Variants in ADAMTS13 observed in about 807,000 individuals in gnomAD.
ADAMTS13 encodes the protein ADAM metallopeptidase with thrombospondin type 1 motif 13, also known as A disintegrin and metalloproteinase with thrombospondin motifs 13.
Under a neutral mutation model 155.1 loss-of-function variants are expected in ADAMTS13, and 110 were observed. The observed-to-expected ratio is 0.71, with a 90% CI of 0.61 to 0.83. The LOEUF is 0.83. Ranked by LOEUF, ADAMTS13 falls within the 40% of genes least tolerant of loss-of-function variation. The probability of loss-of-function intolerance (pLI) is 0.00; values close to 1 mark genes in which losing one functional copy is unlikely to be tolerated. For synonymous variants in ADAMTS13, 758 were observed against 756.4 expected (o/e 1.00, Z -0.03); for missense variants, 1,707 against 1,891.7 (o/e 0.90, Z 1.81).
chr9:133,414,667 G>T, intron 1 of ADAMTS13: 1 of 1,613,668 alleles, frequency 6.2e-7, no homozygotes, highest in Non-Finnish European at 8.5e-7. Flanking sequence ...ATACTTACTC[G>T]GTGGGTGGGG....
Position 133,428,713 on chromosome 9 carries a change from C to G in ADAMTS13, c.766C>G (p.Pro256Ala). 1 of 1,354,106 alleles carries G rather than the reference C, an allele frequency of 7.4e-7. No individual in the cohort carries two copies. The highest frequency in any genetic ancestry group is 9.5e-7 in the Non-Finnish European group (1 of 1,051,460). 83.9% of individuals were successfully genotyped at this position (1,354,106 alleles called of 1,614,324 possible). The change falls in exon 7 of 29, where the codon CCC (proline) becomes GCC (alanine). Residue 256 changes from proline to alanine, a missense_variant. Transcript: ENST00000355699. ...GHVMASDGAA[P>A]RAGLAWSPCS... ...CGTGATGGCTTCGGACGGCGCCGCG[C>G]CCCGCGCCGGCCTCGCCTGGTCCCC... is the stretch of plus-strand genomic sequence containing the variant.
chr9:133,416,491 G>A (rs1232195311), intron 1 of ADAMTS13, among the ~76,000 whole-genome samples: 5 of 152,160 alleles, frequency 3.3e-5, no homozygotes, highest in African/African-American at 2.4e-5. Flanking sequence ...GGGATTACAC[G>A]TGTGGGCTAC....
intron 11 of ADAMTS13, 47 bp from the exon 12 acceptor site, chr9:133,436,782 G>GCCCCCCCCCCCCC: frequency 4.6e-6 from 3 of 653,248 alleles, no homozygotes; most frequent in South Asian, 2.3e-5. Flanking sequence ...GACAACACCC[G>GCCCCCCCCCCCCC]CCCCCCGCCC....
At chr9:133,452,273 C>G (rs921667654) in intron 23 of ADAMTS13, among the ~76,000 whole-genome samples, 4 of 152,036 alleles carry the variant, frequency 2.6e-5, no homozygotes, top group African/African-American at 9.7e-5. Flanking sequence ...CCACCACCCC[C>G]AACTGATTTT....
At chr9:133,428,067 G>A (rs963033935) in intron 6 of ADAMTS13, among the ~76,000 whole-genome samples, 1 of 152,172 alleles carries the variant, frequency 6.6e-6, no homozygotes, top group South Asian at 2.1e-4. Flanking sequence ...CTACCTCACC[G>A]GTGCCTGGCC....
Position 133,459,301 on chromosome 9 carries a change from C to A in ADAMTS13, c.*121C>A. On this transcript the variant is annotated 3_prime_UTR_variant, in exon 29 of 29. Coordinates refer to ENST00000355699, the MANE Select transcript of ADAMTS13 (RefSeq NM_139027.6). ...TCTACTTTAGAGTCTTCTCCAATGT[C>A]CAAAAGGCTAGGGGGTTGGAGGTGG... The A allele has an allele frequency of 9.6e-7, 1 of 1,046,128 alleles. No homozygotes were observed. Among genetic ancestry groups the A allele is most frequent in the Non-Finnish European group, 1.4e-6 (1 of 695,808 alleles). The allele number at this position is 1,046,128 out of a possible 1,614,324, so 64.8% of individuals were successfully genotyped here. A position where few individuals can be genotyped will look rare whatever the true frequency, so the allele number is the denominator to read the frequency against.
intron 6 of ADAMTS13, among the ~76,000 whole-genome samples, chr9:133,427,435 C>T (rs1420728660): frequency 1.3e-5 from 2 of 152,204 alleles, no homozygotes; most frequent in African/African-American, 4.8e-5. Context: ...TTTCCACATT[C>T]CTTGCCCACC....
Position 133,440,392 on chromosome 9 carries a change from C to G in ADAMTS13, c.1835C>G (p.Ser612Cys). The G allele has an allele frequency of 1.2e-6, 2 of 1,613,932 alleles. No individual in the cohort carries two copies. The highest frequency in any genetic ancestry group is 1.7e-6 in the Non-Finnish European group (2 of 1,180,012). Residue 612 changes from serine (S) to cysteine (C), a missense_variant, in exon 16 of 29, where the codon TCC (serine) becomes TGC (cysteine). Transcript: ENST00000355699. The surrounding 1 kb of genome is among the most constrained non-coding windows in gnomAD (Gnocchi z 4.3). Reference sequence around the variant, plus strand: ...GTCGTGGCTGGGAAGATGAGCATCTCCCCTAACACCACCTACCCCTCCCTC... The same window carrying G: ...GTCGTGGCTGGGAAGATGAGCATCTGCCCTAACACCACCTACCCCTCCCTC... ...RYVVAGKMSI[S>C]PNTTYPSLLE... is the part of the protein sequence containing the mutation.
Position 133,456,217 on chromosome 9 carries a change from T to C in ADAMTS13, c.3547+2T>C, listed in dbSNP as rs1481842597. ...AGAGTTCTCTCAACTGCAGTGCGGGTATGTCTAGGGCCATGCAAGCGATGC... is the reference window on the plus strand; with the variant it reads ...AGAGTTCTCTCAACTGCAGTGCGGGCATGTCTAGGGCCATGCAAGCGATGC... On this transcript the variant is annotated splice_donor_variant, in intron 26 of 28. Transcript: ENST00000355699. LOFTEE classifies it high-confidence loss of function. This position sits in a 1 kb window ranked among gnomAD's most constrained non-coding sequence, Gnocchi z 4.4. 1 of 1,613,448 alleles carries C rather than the reference T, an allele frequency of 6.2e-7. No individual in the cohort carries two copies. The highest frequency in any genetic ancestry group is 8.5e-7 in the Non-Finnish European group (1 of 1,180,028).
At chr9:133,449,123 A>G (rs971605277) in intron 22 of ADAMTS13, among the ~76,000 whole-genome samples, 3 of 152,196 alleles carry the variant, frequency 2.0e-5, no homozygotes, top group African/African-American at 7.2e-5. Context: ...TGTAAAGTAC[A>G]TGCTAAATGC....
intron 19 of ADAMTS13, among the ~76,000 whole-genome samples, chr9:133,443,851 TG>T (rs1280527862): frequency 5.3e-5 from 8 of 152,106 alleles, no homozygotes; most frequent in Non-Finnish European, 1.0e-4. Context: ...GAGGTCAAAC[TG>T]AACGGAGTGG....
chr9:133,439,544 CA>C, intron 15 of ADAMTS13, 98 bp downstream of exon 15: 1 of 1,137,424 alleles, frequency 8.8e-7, no homozygotes, highest in Non-Finnish European at 1.3e-6. Context: ...CCCGCAAGTT[CA>C]GGGGGTTCCC....
Position 133,425,153 on chromosome 9 carries a change from C to T in ADAMTS13, c.331-376C>T, listed in dbSNP as rs1242898090. On this transcript the variant is annotated intron_variant, in intron 3 of 28. Coordinates refer to ENST00000355699, the MANE Select transcript of ADAMTS13 (RefSeq NM_139027.6). The surrounding 1 kb of genome is among the most constrained non-coding windows in gnomAD (Gnocchi z 4.6). ...CAGCCTGGCCAACATGGTGAAACCC[C>T]GTAGCTACTAAAAATACAAAACTTA... Among the ~76,000 whole-genome samples the T allele has an allele frequency of 3.3e-5, 5 of 152,150 alleles. No homozygotes were observed. The highest frequency in any genetic ancestry group is 7.2e-5 in the African/African-American group (3 of 41,424).
Position 133,414,986 on chromosome 9 carries a change from G to A in ADAMTS13, n.287+342G>A, listed in dbSNP as rs1462506368. 1.3e-5 allele frequency: 20 copies of A among 1,583,672 alleles called. No individual in the cohort carries two copies. Among genetic ancestry groups the A allele is most frequent in the Non-Finnish European group, 1.7e-5 (20 of 1,170,986 alleles). ...AGAGATGACAAGAGGCTTTTCTGGG[G>A]CCTGAGATTTTTGTTTCAGCAGCCA... On this transcript the variant is annotated intron_variant and non_coding_transcript_variant, in intron 1 of 17. Coordinates refer to the ADAMTS13 transcript ENST00000485925.
intron 18 of ADAMTS13, 122 bp downstream of exon 18, chr9:133,442,865 GCT>G: frequency 7.0e-7 from 1 of 1,422,940 alleles, no homozygotes; most frequent in South Asian, 1.4e-5. Flanking sequence ...TCCTGTGCAG[GCT>G]CTCATTACCC....
intron 1 of ADAMTS13, chr9:133,415,584 C>T (rs1225144573): frequency 6.5e-6 from 1 of 152,820 alleles, no homozygotes. Context: ...GTCTTAGAGC[C>T]CAGCTTCCTC....
In ADAMTS13 at chr9:133,440,487, C is replaced by T. The variant is rs782659882; in HGVS notation, c.1930C>T (p.Arg644Cys). The T allele has an allele frequency of 2.5e-5, 41 of 1,612,184 alleles. No homozygotes were observed. Among genetic ancestry groups the T allele is most frequent in the East Asian group, 6.7e-5 (3 of 44,828 alleles). The change falls in exon 16 of 29, where the codon CGC (arginine) becomes TGC (cysteine). Residue 644 changes from arginine to cysteine, a missense_variant. Physicochemically the swap from Arg to Cys is radical, Grantham distance 180. This residue lies in a region of ADAMTS13 where 961 missense variants were observed against 1,107.9 expected (regional missense o/e 0.87). Coordinates refer to ENST00000355699, the MANE Select transcript of ADAMTS13 (RefSeq NM_139027.6). This position sits in a 1 kb window ranked among gnomAD's most constrained non-coding sequence, Gnocchi z 4.3. ...EDRLPRLEEI[R>C]IWGPLQEDAD... Reference sequence around the variant, plus strand: ...CCGGCTGCCCCGCCTGGAGGAGATCCGCATCTGGGGACCCCTCCAGGAAGA... The same window carrying T: ...CCGGCTGCCCCGCCTGGAGGAGATCTGCATCTGGGGACCCCTCCAGGAAGA...
At position 133,442,498 on chromosome 9, in the gene ADAMTS13, G is replaced by T; in HGVS notation, c.2068G>T (p.Ala690Ser). Residue 690 changes from alanine (A) to serine (S), a missense_variant, in exon 17 of 29, where the codon GCT (alanine) becomes TCT (serine). Transcript: ENST00000355699. ...GCCACGGCAGGCCTGGGTGTGGGCC[G>T]CTGTGCGTGGGCCCTGCTCGGTGAG... ...PKPRQAWVWAAVRGPCSVSCG... is the reference protein window; with the variant it reads ...PKPRQAWVWASVRGPCSVSCG... 1 of 1,613,686 alleles carries T rather than the reference G, an allele frequency of 6.2e-7. No individual in the cohort carries two copies. Among genetic ancestry groups the T allele is most frequent in the Non-Finnish European group, 8.5e-7 (1 of 1,180,030 alleles).
At chr9:133,433,612 T>G (rs587641001) in intron 10 of ADAMTS13, 29 bp from the exon 11 acceptor site, 1 of 1,613,946 alleles carries the variant, frequency 6.2e-7, no homozygotes, top group East Asian at 2.2e-5. Flanking sequence ...CCCTGCTCTC[T>G]CACCCTCCTG....
Sources: gnomAD v4.1 joint callset for allele counts (sites outside exome capture counted in the v4.1 genomes callset) on GRCh38, gnomAD v4.1.1 for gene constraint, gnomAD v4.1.1 regional missense constraint, Gnocchi (gnomAD v3.1) non-coding constraint, MANE v1.5 for transcripts, NCBI Gene and HGNC (gene_info 2026-07-23, HGNC 2026-07-21) for gene names.